The following RBFOX2 variants were observed in gnomAD, a reference collection of about 807,000 sequenced individuals.
RBFOX2 encodes the protein RNA binding fox-1 homolog 2.
In RBFOX2, 10 loss-of-function variants were observed where a neutral mutation model predicts 49.1. The ratio of observed to expected loss-of-function variants is 0.20; its 90% CI spans 0.13 to 0.35. RBFOX2 has a LOEUF of 0.35. Ranked by LOEUF, RBFOX2 falls within the 10% of genes least tolerant of loss-of-function variation. The pLI is 1.00. For synonymous variants in RBFOX2, 183 were observed against 187.4 expected, an observed-to-expected ratio of 0.98 and a Z score of 0.19; for missense variants, 323 against 486.9, an observed-to-expected ratio of 0.66 and a Z score of 3.17.
At chr22:36,024,837 C>T (rs924956308) in intron 1 of RBFOX2, among the ~76,000 whole-genome samples, 18 of 151,954 alleles carry the variant, frequency 1.2e-4, no homozygotes, top group Admixed American at 1.0e-3. Context: ...GACAGATTTT[C>T]GCTCTTGTTG....
chr22:35,869,880 T>C lies in RBFOX2; in HGVS notation c.-33-59876A>G, dbSNP rs2044155549. 3.3e-5 allele frequency among the ~76,000 whole-genome samples: 5 copies of C among 152,352 alleles called. No individual in the cohort carries two copies. The South Asian group carries it at 6.2e-4, about 19-fold the overall frequency. On this transcript the variant is annotated intron_variant, in intron 1 of 13. Coordinates refer to the RBFOX2 transcript ENST00000359369. ...TAAAAACCTTTATCATATTTACTTT[T>C]ATCTTCTGAAACTTTCATCAACCCA...
intron 1 of RBFOX2, among the ~76,000 whole-genome samples, chr22:35,952,269 T>C (rs76430578): frequency 0.016 from 2,385 of 152,322 alleles, 61 homozygotes; most frequent in African/African-American, 0.055. Flanking sequence ...GCACCTTTTT[T>C]CTTTGCTGAC....
intron 1 of RBFOX2, among the ~76,000 whole-genome samples, chr22:35,991,110 CAAAAACA>C (rs979111943): frequency 1.3e-5 from 2 of 151,476 alleles, no homozygotes; most frequent in African/African-American, 4.9e-5. Flanking sequence ...TTAAAAATTA[CAAAAACA>C]AAAAACAAAA....
chr22:35,963,094 AAAG>A (rs1334678342), upstream of RBFOX2, among the ~76,000 whole-genome samples: 1 of 147,884 alleles, frequency 6.8e-6, no homozygotes, highest in Non-Finnish European at 1.5e-5. Flanking sequence ...AAAAGACAGG[AAAG>A]AAGAATAATT....
Position 35,831,449 on chromosome 22 carries a change from T to A in RBFOX2, c.27+8743A>T, listed in dbSNP as rs538138593. Among the ~76,000 whole-genome samples, 90 of 152,062 alleles carry A rather than the reference T, an allele frequency of 5.9e-4. 5 individuals are homozygous for A. In the South Asian group the frequency reaches 0.018, roughly 31 times the overall value. On this transcript the variant is annotated intron_variant, in intron 1 of 11. Transcript: ENST00000405409. ...CTCTGTCTCAAAAAAAAAATAATAA[T>A]AAATTAAAAATAAAGTTAAAAGAAT...
At chr22:35,804,814 GA>G (rs1301643559) in intron 2 of RBFOX2, among the ~76,000 whole-genome samples, 1 of 152,060 alleles carries the variant, frequency 6.6e-6, no homozygotes, top group Non-Finnish European at 1.5e-5. Context: ...CCTATAGGAA[GA>G]CATGAAGATC....
At chr22:35,844,135 T>C (rs1399726719), upstream of RBFOX2, among the ~76,000 whole-genome samples, 1 of 152,206 alleles carries the variant, frequency 6.6e-6, no homozygotes. Flanking sequence ...CTGACCCTAC[T>C]TGCTCCCACA....
intron 11 of RBFOX2, among the ~76,000 whole-genome samples, chr22:35,744,777 C>T (rs1356145816): frequency 7.9e-5 from 12 of 152,206 alleles, no homozygotes; most frequent in African/African-American, 2.4e-4. Flanking sequence ...CTATCATCTA[C>T]GAAGCACACC....
chr22:35,976,965 A>G (rs75071301), intron 1 of RBFOX2, among the ~76,000 whole-genome samples: 1 of 146,826 alleles, frequency 6.8e-6, no homozygotes, highest in Non-Finnish European at 1.5e-5. Flanking sequence ...CTCCGTCTCA[A>G]AAAAAAAAAA....
At chr22:35,929,348 A>G (rs1358220435) in intron 1 of RBFOX2, among the ~76,000 whole-genome samples, 3 of 151,994 alleles carry the variant, frequency 2.0e-5, no homozygotes, top group African/African-American at 4.8e-5. Flanking sequence ...ACTCCTAGAA[A>G]TCTACCCAAG....
intron 1 of RBFOX2, among the ~76,000 whole-genome samples, chr22:35,959,857 C>A (rs909159926): frequency 2.0e-5 from 3 of 152,172 alleles, no homozygotes; most frequent in Non-Finnish European, 2.9e-5. Flanking sequence ...TCCACAGATG[C>A]TCAAGTCCCT....
At chr22:35,802,025 C>A (rs867983718) in intron 2 of RBFOX2, among the ~76,000 whole-genome samples, 1 of 152,104 alleles carries the variant, frequency 6.6e-6, no homozygotes, top group Non-Finnish European at 1.5e-5. Flanking sequence ...ATACTCTATA[C>A]ATATGGGTTA....
intron 1 of RBFOX2, chr22:35,897,562 A>C: frequency 1.1e-6 from 1 of 906,938 alleles, no homozygotes. Context: ...AGCCACAGCA[A>C]AGATGTACTT....
chr22:35,944,486 AT>A (rs895203833), intron 1 of RBFOX2, among the ~76,000 whole-genome samples: 2 of 152,184 alleles, frequency 1.3e-5, no homozygotes, highest in Non-Finnish European at 1.5e-5. Context: ...AAAAGGTACT[AT>A]TTTTTGTAGC....
At chr22:35,872,068 G>A (rs150840170) in intron 1 of RBFOX2, among the ~76,000 whole-genome samples, 1 of 152,292 alleles carries the variant, frequency 6.6e-6, no homozygotes, top group East Asian at 1.9e-4. Flanking sequence ...ATCCTGACAA[G>A]TAAGTGCCCA....
intron 1 of RBFOX2, among the ~76,000 whole-genome samples, chr22:35,864,710 T>G (rs1410250553): frequency 6.6e-6 from 1 of 152,188 alleles, no homozygotes; most frequent in Non-Finnish European, 1.5e-5. Flanking sequence ...GTAGAAACAG[T>G]GACTTAAGAC....
chr22:35,756,482 G>A (rs546934783), intron 9 of RBFOX2, among the ~76,000 whole-genome samples: 17 of 152,228 alleles, frequency 1.1e-4, no homozygotes, highest in Middle Eastern at 6.8e-3. Flanking sequence ...ATAACTTTTT[G>A]TATATGGAGT....
intron 1 of RBFOX2, among the ~76,000 whole-genome samples, chr22:35,814,727 A>AG (rs1403673377): frequency 2.7e-5 from 4 of 150,296 alleles, no homozygotes; most frequent in Admixed American, 6.6e-5. Flanking sequence ...AAAAAAAAAA[A>AG]AAAAAAAAAG....
At chr22:35,861,424 A>G (rs1428839337) in intron 1 of RBFOX2, among the ~76,000 whole-genome samples, 1 of 152,178 alleles carries the variant, frequency 6.6e-6, no homozygotes, top group East Asian at 1.9e-4. Context: ...TATTCAGAAT[A>G]TACAAGAACT....
Sources: allele counts gnomAD v4.1 joint callset (sites outside exome capture counted in the v4.1 genomes callset), GRCh38; gene constraint gnomAD v4.1.1; transcripts MANE v1.5; gene names NCBI Gene and HGNC (gene_info 2026-07-23, HGNC 2026-07-21).